The following RFFL variants were observed in gnomAD, a reference collection of about 807,000 sequenced individuals.
RFFL encodes E3 ubiquitin-protein ligase rififylin.
Under a neutral mutation model 40.4 loss-of-function variants are expected in RFFL, and 16 were observed. The observed-to-expected ratio is 0.40, with a 90% CI of 0.27 to 0.60. The LOEUF (loss-of-function observed/expected upper bound fraction) is 0.60, where lower values mean the gene tolerates loss of function less well. Among genes scored for constraint, RFFL ranks in the 20% least tolerant of loss-of-function variants. The pLI, the probability that RFFL is intolerant of heterozygous loss-of-function variation, is 0.47. For synonymous variants in RFFL, 154 were observed against 167.9 expected, an observed-to-expected ratio of 0.92 and a Z score of 0.64; for missense variants, 367 against 451.7, an observed-to-expected ratio of 0.81 and a Z score of 1.70.
chr17:35,081,733 A>C (rs2142387201), intron 1 of RFFL, among the ~76,000 whole-genome samples: 1 of 152,304 alleles, frequency 6.6e-6, no homozygotes, highest in Non-Finnish European at 1.5e-5. Context: ...TCAAAAAATC[A>C]GTTTTATGGA....
rs571638115 is a variant in RFFL at position 35,055,165 on chromosome 17, G to T, written c.-9+8411C>A. Among the ~76,000 whole-genome samples the T allele has an allele frequency of 1.6e-3, 238 of 152,026 alleles. 11 individuals carry two copies. The South Asian group carries it at 0.047, about 30-fold the overall frequency. ...GATCTCCTGACCTCGTGATCCACTT[G>T]CCTCGGCCTCCCAAAGTGCTGGGAT... On this transcript the variant is annotated intron_variant, in intron 1 of 6. Transcript: ENST00000394597.
chr17:35,058,224 C>T (rs2091271453), intron 1 of RFFL, among the ~76,000 whole-genome samples: 2 of 151,948 alleles, frequency 1.3e-5, no homozygotes, highest in South Asian at 2.1e-4. Flanking sequence ...ATCTATCCCC[C>T]CCCACCATAC....
In RFFL at chr17:35,010,316, C is replaced by G. The variant is rs1409541462; in HGVS notation, c.*1652G>C. 6.6e-6 allele frequency: 1 copy of G among 152,216 alleles called. No individual in the cohort carries two copies. Among genetic ancestry groups the G allele is most frequent in the Non-Finnish European group, 1.5e-5 (1 of 68,060 alleles). 9.4% of individuals were successfully genotyped at this position (152,216 alleles called of 1,614,324 possible). The stretch of plus-strand genomic sequence containing the variant: ...CATCCATTGGTAATGGGAAAACACT[C>G]TGCTTTCCTGATCATGTGTTTTGTG... On this transcript the variant is annotated 3_prime_UTR_variant, in exon 7 of 7. Coordinates refer to ENST00000394597, the MANE Select transcript of RFFL (RefSeq NM_001017368.2).
At chr17:35,084,542 C>T (rs1310522114) in intron 1 of RFFL, among the ~76,000 whole-genome samples, 1 of 151,938 alleles carries the variant, frequency 6.6e-6, no homozygotes, top group Non-Finnish European at 1.5e-5. Flanking sequence ...TACAGTGAGC[C>T]GAGATCACCT....
At chr17:35,056,456 C>A (rs1027256251) in intron 1 of RFFL, among the ~76,000 whole-genome samples, 7 of 150,590 alleles carry the variant, frequency 4.6e-5, no homozygotes, top group Middle Eastern at 3.2e-3. Context: ...CGGCTCACCA[C>A]AACCTCCGCC....
At chr17:35,048,538 T>C (rs186554459) in intron 1 of RFFL, among the ~76,000 whole-genome samples, 1 of 152,322 alleles carries the variant, frequency 6.6e-6, no homozygotes, top group East Asian at 1.9e-4. Context: ...CTTAATTATA[T>C]AATCCCTTGA....
rs1402427679 is a variant in RFFL at position 35,010,983 on chromosome 17, C to T, written c.*985G>A. ...GTCTGGCCAGAGAAGAGCACAGGCT[C>T]TTTGCCTAAATCTATTTCTTCAATG... On this transcript the variant is annotated 3_prime_UTR_variant, in exon 7 of 7. Transcript: ENST00000394597. 1 of 152,200 alleles carries T rather than the reference C, an allele frequency of 6.6e-6. No individual in the cohort carries two copies. Among genetic ancestry groups the T allele is most frequent in the Non-Finnish European group, 1.5e-5 (1 of 68,038 alleles). 9.4% of individuals were successfully genotyped at this position (152,200 alleles called of 1,614,324 possible). A position where few individuals can be genotyped will look rare whatever the true frequency, so the allele number is the denominator to read the frequency against.
At chr17:35,013,915 T>G (rs1005390600) in intron 6 of RFFL, among the ~76,000 whole-genome samples, 2 of 152,150 alleles carry the variant, frequency 1.3e-5, no homozygotes, top group Non-Finnish European at 2.9e-5. Context: ...GCTCAACTGT[T>G]TTTTATGTCT....
At chr17:35,040,323 C>T (rs1280452497) in intron 1 of RFFL, among the ~76,000 whole-genome samples, 14 of 152,082 alleles carry the variant, frequency 9.2e-5, no homozygotes, top group East Asian at 1.9e-4. Context: ...CTTTCTTGGC[C>T]GGGTGTGGTG....
At chr17:35,087,284 A>AGAAGGG in intron 1 of RFFL, among the ~76,000 whole-genome samples, 1 of 152,024 alleles carries the variant, frequency 6.6e-6, no homozygotes, top group Admixed American at 6.6e-5. Context: ...CTAGGAGGTC[A>AGAAGGG]AGGCTGCAGT....
At chr17:35,072,273 A>G (rs956354185) in intron 1 of RFFL, among the ~76,000 whole-genome samples, 13 of 149,520 alleles carry the variant, frequency 8.7e-5, no homozygotes, top group African/African-American at 3.0e-4. Flanking sequence ...AGAGCCAGAC[A>G]CTGTCTCAAA....
intron 1 of RFFL, among the ~76,000 whole-genome samples, chr17:35,045,759 C>T (rs2091195899): frequency 1.3e-5 from 2 of 151,996 alleles, no homozygotes; most frequent in Non-Finnish European, 2.9e-5. Flanking sequence ...CACAGTGGCT[C>T]ACGCCTGTAA....
Position 35,021,751 on chromosome 17 carries a change from A to G in RFFL, c.211T>C (p.Cys71Arg). The G allele has an allele frequency of 1.9e-6, 3 of 1,614,228 alleles. No individual in the cohort carries two copies. The highest frequency in any genetic ancestry group is 2.5e-6 in the Non-Finnish European group (3 of 1,180,028). ...CCTACTTGGCTCGAACAGGTCATGC[A>G]AAAATTTTTCTTACAGTCCAAGCAG... is the stretch of plus-strand genomic sequence containing the variant. The part of the protein sequence containing the change: ...QTCLDCKKNF[C>R]MTCSSQVGNG... The change falls in exon 3 of 7, where the codon TGC (cysteine) becomes CGC (arginine). Residue 71 changes from cysteine to arginine, a missense_variant. Physicochemically the swap from Cys to Arg is radical, Grantham distance 180. Coordinates refer to ENST00000394597, the MANE Select transcript of RFFL (RefSeq NM_001017368.2).
intron 1 of RFFL, chr17:35,069,661 G>A (rs1041906640): frequency 5.7e-6 from 1 of 174,850 alleles, no homozygotes; most frequent in African/African-American, 2.4e-5. Context: ...CCAAAGTTCT[G>A]CAAGAGATCA....
At chr17:35,017,875 T>C (rs1303890719) in intron 3 of RFFL, among the ~76,000 whole-genome samples, 1 of 152,124 alleles carries the variant, frequency 6.6e-6, no homozygotes, top group East Asian at 1.9e-4. Flanking sequence ...TAGCCACAAC[T>C]CATCATCAAT....
chr17:35,071,479 G>C (rs923484058), intron 1 of RFFL, among the ~76,000 whole-genome samples: 2 of 151,692 alleles, frequency 1.3e-5, no homozygotes, highest in African/African-American at 4.8e-5. Flanking sequence ...TTGTCTGGTA[G>C]TGGTGGTGCA....
chr17:35,029,620 A>G lies in RFFL; in HGVS notation c.-8-3059T>C, dbSNP rs1024761080. Among the ~76,000 whole-genome samples the G allele has an allele frequency of 2.0e-5, 3 of 149,504 alleles. No homozygotes were observed. The Admixed American group carries it at 2.0e-4, about 10-fold the overall frequency. ...ACTGCAAGCTCCGCCTCCCGGGTTC[A>G]CACCATTCTCCTGCCTCAGCCTCCC... On this transcript the variant is annotated intron_variant, in intron 1 of 6. Coordinates refer to ENST00000394597, the MANE Select transcript of RFFL (RefSeq NM_001017368.2).
At chr17:35,084,264 G>C (rs750246738) in intron 1 of RFFL, among the ~76,000 whole-genome samples, 2 of 152,054 alleles carry the variant, frequency 1.3e-5, no homozygotes, top group Non-Finnish European at 2.9e-5. Context: ...ACCACTTGGG[G>C]AGCTTTTTGA....
At chr17:35,070,073 AGAGC>A (rs1302646424) in intron 1 of RFFL, among the ~76,000 whole-genome samples, 3 of 152,016 alleles carry the variant, frequency 2.0e-5, no homozygotes, top group Admixed American at 6.6e-5. Context: ...CACGTGCAAA[AGAGC>A]GAGCGAGCAC....
Sources: allele counts gnomAD v4.1 joint callset (sites outside exome capture counted in the v4.1 genomes callset), GRCh38; gene constraint gnomAD v4.1.1; transcripts MANE v1.5; gene names NCBI Gene and HGNC (gene_info 2026-07-23, HGNC 2026-07-21).